CBLN2: variants seen among roughly 807,000 people sequenced by gnomAD.
The protein encoded by CBLN2 is cerebellin-2.
In CBLN2, 7 loss-of-function variants were observed where a neutral mutation model predicts 15.0. The observed-to-expected ratio is 0.47, with a 90% CI of 0.27 to 0.88. The LOEUF is 0.88. Ranked by LOEUF, CBLN2 falls within the 40% of genes least tolerant of loss-of-function variation. The pLI, the probability that CBLN2 is intolerant of heterozygous loss-of-function variation, is 0.14. For synonymous variants in CBLN2, 149 were observed against 135.2 expected, an observed-to-expected ratio of 1.10 and a Z score of -0.71; for missense variants, 242 against 304.5, an observed-to-expected ratio of 0.79 and a Z score of 1.53.
chr18:72,620,864 T>A (rs1382967017), intron 1 of CBLN2, among the ~76,000 whole-genome samples: 1 of 152,188 alleles, frequency 6.6e-6, no homozygotes, highest in East Asian at 1.9e-4. Flanking sequence ...ACCACCCAGA[T>A]GGCCCCAGTC....
At chr18:72,560,784 G>A (rs952897327) in intron 1 of CBLN2, among the ~76,000 whole-genome samples, 17 of 152,194 alleles carry the variant, frequency 1.1e-4, no homozygotes, top group Non-Finnish European at 1.8e-4. Context: ...CGAGGTGGGC[G>A]GATCACGAGG....
At chr18:72,623,026 G>A (rs149930637) in intron 1 of CBLN2, among the ~76,000 whole-genome samples, 2 of 152,248 alleles carry the variant, frequency 1.3e-5, no homozygotes, top group African/African-American at 4.8e-5. Context: ...GGCATGGCTG[G>A]GGAAGCCTCA....
chr18:72,543,406 C>A lies in CBLN2; in HGVS notation c.-167+80G>T. On this transcript the variant is annotated intron_variant, in intron 2 of 4. Coordinates refer to ENST00000269503, the MANE Select transcript of CBLN2 (RefSeq NM_182511.4). This position sits in a 1 kb window ranked among gnomAD's most constrained non-coding sequence, Gnocchi z 6.8. ...CTCTCCACCTCCTCCACCCCTCGAT[C>A]TGGACCAGGGAGAGTCTTCGTTAAA... 1 of 398,250 alleles carries A rather than the reference C, an allele frequency of 2.5e-6. No homozygotes were observed. The highest frequency in any genetic ancestry group is 4.4e-6 in the Non-Finnish European group (1 of 225,870). The allele number at this position is 398,250 out of a possible 1,614,324, so 24.7% of individuals were successfully genotyped here.
chr18:72,557,346 A>C (rs945043135), intron 1 of CBLN2, among the ~76,000 whole-genome samples: 1 of 152,134 alleles, frequency 6.6e-6, no homozygotes, highest in African/African-American at 2.4e-5. Context: ...ATGAACATAC[A>C]TGTGCATGTA....
rs1481784703 is a variant in CBLN2, at chr18:72,538,067, T to G, written c.*109A>C. ...AAATCATTCTTCTACTGCAACAGTC[T>G]GACGGAGGTTGGAAACAAGGTGTCC... On this transcript the variant is annotated 3_prime_UTR_variant, in exon 5 of 5. Transcript: ENST00000269503. The G allele has an allele frequency of 1.9e-6, 2 of 1,073,546 alleles. No individual in the cohort carries two copies. The highest frequency in any genetic ancestry group is 1.6e-5 in the African/African-American group (1 of 63,818). The allele number at this position is 1,073,546 out of a possible 1,614,324, so 66.5% of individuals were successfully genotyped here.
At chr18:72,601,884 T>G (rs770181619) in intron 1 of CBLN2, among the ~76,000 whole-genome samples, 4 of 152,200 alleles carry the variant, frequency 2.6e-5, no homozygotes, top group Non-Finnish European at 5.9e-5. Context: ...CCTTCTCCCT[T>G]TGGCTCTAAC....
Position 72,541,848 on chromosome 18 carries a change from G to T in CBLN2, c.313C>A (p.Pro105Thr). 6.3e-7 allele frequency: 1 copy of T among 1,594,860 alleles called. No individual in the cohort carries two copies. The part of the protein sequence containing the change: ...FSATRSTNHE[P>T]SEMSNRTMTI... ...ATGGTGCGGTTGCTCATCTCGGACGGCTCGTGGTTGGTGCTCCGCGTGGCG... is the reference window on the plus strand; with the variant it reads ...ATGGTGCGGTTGCTCATCTCGGACGTCTCGTGGTTGGTGCTCCGCGTGGCG... Residue 105 changes from proline to threonine, a missense_variant, in exon 3 of 5, where the codon CCG becomes ACG. Pro to Thr is a conservative substitution (Grantham distance 38). This residue lies in a region of CBLN2 where 89 missense variants were observed against 114.2 expected (regional missense o/e 0.78). Coordinates refer to ENST00000269503, the MANE Select transcript of CBLN2 (RefSeq NM_182511.4).
chr18:72,597,287 G>A (rs2144937868), intron 1 of CBLN2, among the ~76,000 whole-genome samples: 1 of 152,300 alleles, frequency 6.6e-6, no homozygotes, highest in African/African-American at 2.4e-5. Context: ...GGCTTTTGCA[G>A]CCTTGCAGAG....
Position 72,543,443 on chromosome 18 carries a change from A to C in CBLN2, c.-167+43T>G. Reference sequence around the variant, plus strand: ...GAGTCTTCGTTAAAATCCACGCAGAAGGCGCTTGCATGCGGAGGGGAGGGC... The same window carrying C: ...GAGTCTTCGTTAAAATCCACGCAGACGGCGCTTGCATGCGGAGGGGAGGGC... On this transcript the variant is annotated intron_variant, in intron 2 of 4. Transcript: ENST00000269503. The surrounding 1 kb of genome is among the most constrained non-coding windows in gnomAD (Gnocchi z 6.8). The C allele has an allele frequency of 2.5e-6, 1 of 398,662 alleles. No homozygotes were observed. Among genetic ancestry groups the C allele is most frequent in the African/African-American group, 2.1e-5 (1 of 48,734 alleles). 24.7% of individuals were successfully genotyped at this position (398,662 alleles called of 1,614,324 possible).
chr18:72,597,108 C>A (rs1568127405), intron 1 of CBLN2, among the ~76,000 whole-genome samples: 1 of 152,136 alleles, frequency 6.6e-6, no homozygotes, highest in East Asian at 1.9e-4. Context: ...GTTGTCTGGG[C>A]ATTGAAGAGT....
chr18:72,634,543 A>G (rs901047038), intron 1 of CBLN2, among the ~76,000 whole-genome samples: 35 of 152,136 alleles, frequency 2.3e-4, no homozygotes, highest in Admixed American at 2.2e-3. Context: ...AGGGAATTAC[A>G]ATACAAAGGA....
chr18:72,622,288 G>A (rs2069706395), intron 1 of CBLN2, among the ~76,000 whole-genome samples: 1 of 151,848 alleles, frequency 6.6e-6, no homozygotes, highest in South Asian at 2.1e-4. Context: ...TAGAAACATT[G>A]CTTATGCAAC....
intron 1 of CBLN2, among the ~76,000 whole-genome samples, chr18:72,593,878 C>A (rs564440867): frequency 6.6e-6 from 1 of 152,200 alleles, no homozygotes; most frequent in Non-Finnish European, 1.5e-5. Context: ...GACTTGGAAC[C>A]AACCCAAATG....
intron 4 of CBLN2, 122 bp from the exon 5 acceptor site, chr18:72,538,495 G>T: frequency 7.1e-7 from 1 of 1,409,194 alleles, no homozygotes; most frequent in Non-Finnish European, 9.9e-7. Flanking sequence ...CATCAGGGGA[G>T]CCTGACAGTG....
intron 1 of CBLN2, among the ~76,000 whole-genome samples, chr18:72,630,160 A>G (rs1241541197): frequency 3.3e-5 from 5 of 152,172 alleles, no homozygotes; most frequent in Admixed American, 1.3e-4. Context: ...CTGGAAGACT[A>G]TATACCAGCA....
At chr18:72,610,792 G>C (rs964376695) in intron 1 of CBLN2, among the ~76,000 whole-genome samples, 2 of 152,112 alleles carry the variant, frequency 1.3e-5, no homozygotes, top group African/African-American at 4.8e-5. Context: ...ACATGTGCAG[G>C]TTTGTTAACT....
At chr18:72,631,656 G>A (rs374247372) in intron 1 of CBLN2, among the ~76,000 whole-genome samples, 23 of 151,970 alleles carry the variant, frequency 1.5e-4, no homozygotes, top group Non-Finnish European at 2.9e-4. Flanking sequence ...TAGAAGTCCC[G>A]GAATTAGAAT....
chr18:72,586,141 C>T (rs1032758946), intron 1 of CBLN2, among the ~76,000 whole-genome samples: 2 of 152,204 alleles, frequency 1.3e-5, no homozygotes, highest in African/African-American at 4.8e-5. Context: ...TTCCTGGCTC[C>T]CCGCTTGCTC....
At chr18:72,569,937 G>T (rs1451381978) in intron 1 of CBLN2, among the ~76,000 whole-genome samples, 1 of 152,200 alleles carries the variant, frequency 6.6e-6, no homozygotes, top group African/African-American at 2.4e-5. Context: ...GTTTAAATGG[G>T]AGATTCACAG....
Sources: allele counts gnomAD v4.1 joint callset (sites outside exome capture counted in the v4.1 genomes callset), GRCh38; gene constraint gnomAD v4.1.1; regional missense constraint gnomAD v4.1.1; non-coding constraint Gnocchi (gnomAD v3.1); transcripts MANE v1.5; gene names NCBI Gene and HGNC (gene_info 2026-07-23, HGNC 2026-07-21).